ANKRD28: variants seen among roughly 807,000 people sequenced by gnomAD.
ANKRD28 encodes ankyrin repeat domain 28.
Under a neutral mutation model 126.5 loss-of-function variants are expected in ANKRD28, and 44 were observed. That is an observed-to-expected ratio of 0.35 (90% CI 0.27 to 0.45). ANKRD28 has a LOEUF of 0.45. ANKRD28 is among the 20% of genes least tolerant of loss of function. The pLI, the probability that ANKRD28 is intolerant of heterozygous loss-of-function variation, is 1.00. For missense variants in ANKRD28, 1,110 were observed against 1,316.6 expected, an observed-to-expected ratio of 0.84 and a Z score of 2.43; for synonymous variants, 442 against 468.5, an observed-to-expected ratio of 0.94 and a Z score of 0.73.
At chr3:15,703,407 G>A (rs191462996) in intron 14 of ANKRD28, among the ~76,000 whole-genome samples, 2 of 152,200 alleles carry the variant, frequency 1.3e-5, no homozygotes, top group African/African-American at 4.8e-5. Context: ...GTTATTAGGA[G>A]GTGGGGCCTT....
At chr3:15,706,456 A>AT (rs1408683359) in intron 14 of ANKRD28, among the ~76,000 whole-genome samples, 1 of 152,148 alleles carries the variant, frequency 6.6e-6, no homozygotes, top group Non-Finnish European at 1.5e-5. Context: ...TCCATGATGT[A>AT]TATGTGCCAC....
At chr3:15,745,307 G>GT (rs1206190721) in intron 4 of ANKRD28, among the ~76,000 whole-genome samples, 2 of 152,112 alleles carry the variant, frequency 1.3e-5, no homozygotes, top group Admixed American at 1.3e-4. Context: ...GTCTAGAAGG[G>GT]TTTTTTCTGA....
At position 15,670,324 on chromosome 3, in the gene ANKRD28, C is replaced by T. The variant is rs901680768; in HGVS notation, c.3198G>A (p.Glu1066=). ...GCTCATCCACGTCAGTGTATAAGTA[C>T]TCCTGTTCCCCTCCAATGTTATTGA... The part of the protein sequence containing the change: ...CSFNNIGGEQ[E]YLYTDVDELN... The change falls in exon 28 of 28, where the codon GAG becomes GAA. Residue 1066 remains glutamate (E), a synonymous_variant. Coordinates refer to ENST00000683139, the MANE Select transcript of ANKRD28 (RefSeq NM_001349278.2). 2 of 1,612,852 alleles carry T rather than the reference C, an allele frequency of 1.2e-6. No individual in the cohort carries two copies. Among genetic ancestry groups the T allele is most frequent in the Non-Finnish European group, 1.7e-6 (2 of 1,179,398 alleles).
Position 15,809,917 on chromosome 3 carries a change from A to G in ANKRD28, c.28-14611T>C, listed in dbSNP as rs1034408437. Among the ~76,000 whole-genome samples the G allele has an allele frequency of 1.2e-4, 19 of 152,316 alleles. No homozygotes were observed. The East Asian group carries it at 2.1e-3, about 17-fold the overall frequency. On this transcript the variant is annotated intron_variant, in intron 1 of 27. Transcript: ENST00000399451. ...CAATTCAAGTATACCATGCCACTAC[A>G]TGCAGCTATGCCCTTGCAGATGCTG...
chr3:15,735,356 T>A, intron 6 of ANKRD28, 54 bp downstream of exon 6: 1 of 1,377,154 alleles, frequency 7.3e-7, no homozygotes, highest in Non-Finnish European at 9.9e-7. Context: ...GAACTTGAAA[T>A]GTACAACTTT....
At chr3:15,714,488 T>G in intron 9 of ANKRD28, 90 bp downstream of exon 9, 4 of 902,982 alleles carry the variant, frequency 4.4e-6, no homozygotes, top group Non-Finnish European at 6.5e-6. Flanking sequence ...GCGATGACAA[T>G]TCCTCAATAC....
At chr3:15,689,414 T>C (rs972155170) in intron 18 of ANKRD28, among the ~76,000 whole-genome samples, 1 of 152,218 alleles carries the variant, frequency 6.6e-6, no homozygotes, top group African/African-American at 2.4e-5. Context: ...CATCAAAAGA[T>C]GAATCCACTG....
intron 1 of ANKRD28, among the ~76,000 whole-genome samples, chr3:15,828,993 G>A (rs1023424544): frequency 6.6e-6 from 1 of 152,126 alleles, no homozygotes; most frequent in Non-Finnish European, 1.5e-5. Flanking sequence ...TACCCAGCAA[G>A]AGAGACAAAC....
chr3:15,762,195 AAAAAAAAAAAAAAAAAAACAAAAC>A (rs1272185350), intron 3 of ANKRD28, among the ~76,000 whole-genome samples: 3 of 29,676 alleles, frequency 1.0e-4, no homozygotes, highest in African/African-American at 2.2e-4. Flanking sequence ...CTTTAAAAAA[AAAAAAAAAAAAAAAAAAACAAAAC>A]AAAAAAAAAA....
intron 4 of ANKRD28, among the ~76,000 whole-genome samples, chr3:15,741,872 G>A (rs1360360820): frequency 1.2e-4 from 18 of 151,400 alleles, no homozygotes; most frequent in Non-Finnish European, 2.6e-4. Flanking sequence ...GAGTGCCTGC[G>A]ATTGCAGGCG....
chr3:15,721,040 A>C lies in ANKRD28; in HGVS notation c.871T>G (p.Cys291Gly), dbSNP rs1470379146. The C allele has an allele frequency of 2.5e-6, 4 of 1,613,902 alleles. No homozygotes were observed. In the East Asian group the frequency reaches 6.7e-5, roughly 27 times the overall value. Residue 291 changes from cysteine to glycine, a missense_variant, in exon 8 of 28, where the codon TGT becomes GGT. Coordinates refer to ENST00000683139, the MANE Select transcript of ANKRD28 (RefSeq NM_001349278.2). The stretch of plus-strand genomic sequence containing the variant: ...TTCTTTTGATTCACAATAGCACCAC[A>C]GTCTATAAGTTCATTCACTACAACA... ...QDVVVNELID[C>G]GAIVNQKNEK...
intron 1 of ANKRD28, among the ~76,000 whole-genome samples, chr3:15,852,548 C>T (rs1461030525): frequency 6.6e-6 from 1 of 152,084 alleles, no homozygotes; most frequent in Non-Finnish European, 1.5e-5. Flanking sequence ...AGAATGTCAA[C>T]TTACGCCGGG....
chr3:15,834,536 A>G (rs1394081536), intron 1 of ANKRD28, among the ~76,000 whole-genome samples: 1 of 152,198 alleles, frequency 6.6e-6, no homozygotes, highest in Non-Finnish European at 1.5e-5. Context: ...TTTATTAACA[A>G]GAATAAAAAG....
chr3:15,714,775 T>C, intron 8 of ANKRD28, 119 bp from the exon 9 acceptor site: 2 of 650,034 alleles, frequency 3.1e-6, no homozygotes, highest in Non-Finnish European at 4.8e-6. Flanking sequence ...GAATTAAGTT[T>C]AACTGAGGCC....
Position 15,670,286 on chromosome 3 carries a change from T to A in ANKRD28, c.3236A>T (p.Asp1079Val). Residue 1079 changes from aspartate (D) to valine (V), a missense_variant, in exon 28 of 28, where the codon GAT becomes GTT. Coordinates refer to ENST00000683139, the MANE Select transcript of ANKRD28 (RefSeq NM_001349278.2). ...YTDVDELNDS[D>V]SETY ...CTCAGCCTCTCAGTAGGTCTCAGAA[T>A]CGGAGTCGTTGAGCTCATCCACGTC... 1 of 1,613,400 alleles carries A rather than the reference T, an allele frequency of 6.2e-7. No homozygotes were observed. The highest frequency in any genetic ancestry group is 8.5e-7 in the Non-Finnish European group (1 of 1,179,324).
Position 15,850,234 on chromosome 3 carries a change from G to T in ANKRD28, c.27+9143C>A, listed in dbSNP as rs1465805935. Among the ~76,000 whole-genome samples the T allele has an allele frequency of 8.6e-3, 855 of 99,740 alleles. 11 individuals carry two copies. Among genetic ancestry groups the T allele is most frequent in the African/African-American group, 0.022 (617 of 28,454 alleles). The allele number at this position is 99,740 out of a possible 152,430, so 65.4% of individuals were successfully genotyped here. A position where few individuals can be genotyped will look rare whatever the true frequency, so the allele number is the denominator to read the frequency against. On this transcript the variant is annotated intron_variant, in intron 1 of 27. Coordinates refer to the ANKRD28 transcript ENST00000399451. ...ATATATATATATATATAGAGAGAGA[G>T]AGAGAGAGAGAGAGAGAGAGAGAGA...
chr3:15,796,468 T>C lies in ANKRD28; in HGVS notation c.54A>G (p.Ala18=), dbSNP rs1486690095. The change falls in exon 1 of 28, where the codon GCA becomes GCG. Residue 18 remains alanine, a synonymous_variant. Transcript: ENST00000683139. ...TTTCCTGTGGCAATTTAGAAATGAA[T>C]GCAGGAGATTCATCTTCTACCTCCT... ...VLEEVEDESP[A]FISKLPQENK... 5 of 1,289,006 alleles carry C rather than the reference T, an allele frequency of 3.9e-6. No individual in the cohort carries two copies. The highest frequency in any genetic ancestry group is 5.1e-6 in the Non-Finnish European group (5 of 988,350). 79.8% of individuals were successfully genotyped at this position (1,289,006 alleles called of 1,614,324 possible).
chr3:15,716,281 C>CT (rs373633047), intron 8 of ANKRD28, among the ~76,000 whole-genome samples: 2,721 of 113,604 alleles, frequency 0.024, 82 homozygotes, highest in African/African-American at 0.072. Context: ...CGCACCTGGA[C>CT]TTTTTTTTTT....
chr3:15,706,239 C>T (rs901022889), intron 14 of ANKRD28, among the ~76,000 whole-genome samples: 8 of 152,020 alleles, frequency 5.3e-5, no homozygotes, highest in African/African-American at 1.9e-4. Context: ...ATCCCTCCCC[C>T]TCCTCCCCAC....
Sources: gnomAD v4.1 joint callset for allele counts (sites outside exome capture counted in the v4.1 genomes callset) on GRCh38, gnomAD v4.1.1 for gene constraint, MANE v1.5 for transcripts, NCBI Gene and HGNC (gene_info 2026-07-23, HGNC 2026-07-21) for gene names.